The following CLPTM1 variants were observed in gnomAD, a reference collection of about 807,000 sequenced individuals.
CLPTM1 encodes the protein CLPTM1 regulator of GABA type A receptor forward trafficking, also known as putative lipid scramblase CLPTM1.
Under a neutral mutation model 77.3 loss-of-function variants are expected in CLPTM1, and 21 were observed. The ratio of observed to expected loss-of-function variants is 0.27; its 90% CI spans 0.19 to 0.39. The LOEUF is 0.39. Ranked by LOEUF, CLPTM1 falls within the 10% of genes least tolerant of loss-of-function variation. The pLI, the probability that CLPTM1 is intolerant of heterozygous loss-of-function variation, is 1.00. For synonymous variants in CLPTM1, 373 were observed against 381.0 expected, an observed-to-expected ratio of 0.98 and a Z score of 0.24; for missense variants, 642 against 921.2, an observed-to-expected ratio of 0.70 and a Z score of 3.92.
chr19:44,959,036 G>A (rs1970504780), intron 1 of CLPTM1, among the ~76,000 whole-genome samples: 1 of 152,094 alleles, frequency 6.6e-6, no homozygotes, highest in Admixed American at 6.6e-5. Flanking sequence ...TTGGCCTTTG[G>A]GGAAATCCTA....
intron 7 of CLPTM1, 143 bp from the exon 8 acceptor site, chr19:44,987,036 C>T (rs768756918): frequency 2.0e-4 from 221 of 1,117,146 alleles, no homozygotes; most frequent in Non-Finnish European, 2.8e-4. Context: ...CACCCTTTAG[C>T]TCCTCATGGT....
At chr19:44,988,216 G>C (rs372678695) in intron 9 of CLPTM1, 43 bp downstream of exon 9, 7 of 1,433,782 alleles carry the variant, frequency 4.9e-6, no homozygotes, top group East Asian at 2.3e-5. Flanking sequence ...TGTGCAGGGT[G>C]GGGGACAGGA....
At chr19:44,987,028 C>T in intron 7 of CLPTM1, 151 bp from the exon 8 acceptor site, 1 of 1,056,654 alleles carries the variant, frequency 9.5e-7, no homozygotes, top group Non-Finnish European at 1.4e-6. Context: ...GGTCAAGGCA[C>T]CCTTTAGCTC....
chr19:44,972,728 G>A (rs1251704337), intron 2 of CLPTM1, among the ~76,000 whole-genome samples: 1 of 151,710 alleles, frequency 6.6e-6, no homozygotes, highest in Non-Finnish European at 1.5e-5. Context: ...TCCTCTCGGG[G>A]GATCCCAGGG....
At chr19:44,966,419 A>AAAT (rs1568382402) in intron 2 of CLPTM1, among the ~76,000 whole-genome samples, 3 of 151,590 alleles carry the variant, frequency 2.0e-5, no homozygotes, top group African/African-American at 7.3e-5. Context: ...TCAAAAATAA[A>AAAT]AAAGTGTAAT....
At chr19:44,975,786 A>C (rs1970797097) in intron 4 of CLPTM1, among the ~76,000 whole-genome samples, 1 of 151,706 alleles carries the variant, frequency 6.6e-6, no homozygotes, top group Non-Finnish European at 1.5e-5. Flanking sequence ...TTGGCCTTGA[A>C]CTCCTGACCT....
intron 1 of CLPTM1, among the ~76,000 whole-genome samples, chr19:44,961,457 C>T (rs1482900653): frequency 1.3e-5 from 2 of 152,202 alleles, no homozygotes; most frequent in Non-Finnish European, 2.9e-5. Flanking sequence ...CATCCTGGCT[C>T]CAGCCCCAGG....
chr19:44,988,862 A>C (rs968577629), intron 9 of CLPTM1, among the ~76,000 whole-genome samples: 1 of 152,110 alleles, frequency 6.6e-6, no homozygotes, highest in African/African-American at 2.4e-5. Flanking sequence ...CGGCAAGAGG[A>C]ATGAGTAGTA....
intron 2 of CLPTM1, among the ~76,000 whole-genome samples, chr19:44,972,440 AG>A (rs1197321906): frequency 4.0e-5 from 6 of 151,740 alleles, no homozygotes; most frequent in Non-Finnish European, 8.8e-5. Flanking sequence ...TAGTAGAGAC[AG>A]GGTTTCACCA....
At chr19:44,963,235 T>G (rs1970573296) in intron 2 of CLPTM1, among the ~76,000 whole-genome samples, 1 of 125,272 alleles carries the variant, frequency 8.0e-6, no homozygotes, top group African/African-American at 3.1e-5. Context: ...AAAAGCCAGG[T>G]ATGGTGACAC....
rs77302539 is a variant in CLPTM1, at chr19:44,978,900, C to T, written c.586+1440C>T. ...GAATCAGCATGAGTTTTGGCCAGGA[C>T]AAACATTCAAACCATAGCATTGTCC... On this transcript the variant is annotated intron_variant, in intron 5 of 13. Coordinates refer to ENST00000337392, the MANE Select transcript of CLPTM1 (RefSeq NM_001294.4). Among the ~76,000 whole-genome samples the T allele has an allele frequency of 4.5e-3, 679 of 151,450 alleles. 6 individuals carry two copies. Among genetic ancestry groups the T allele is most frequent in the African/African-American group, 0.016 (643 of 41,240 alleles).
intron 4 of CLPTM1, among the ~76,000 whole-genome samples, chr19:44,975,882 A>G (rs1026510267): frequency 6.6e-6 from 1 of 151,786 alleles, no homozygotes; most frequent in African/African-American, 2.4e-5. Context: ...TTTCTTTTTG[A>G]GATGGGGTCT....
chr19:44,989,228 G>A (rs1971030202), intron 9 of CLPTM1, among the ~76,000 whole-genome samples: 1 of 152,190 alleles, frequency 6.6e-6, no homozygotes. Flanking sequence ...GTGTCATACG[G>A]GCACAGGAGC....
intron 6 of CLPTM1, among the ~76,000 whole-genome samples, 200 bp from the exon 7 acceptor site, chr19:44,986,255 T>C (rs1970975734): frequency 7.3e-6 from 1 of 136,226 alleles, no homozygotes; most frequent in African/African-American, 2.8e-5. Context: ...CCCAGCACTT[T>C]GGGAGGCCGA....
intron 2 of CLPTM1, among the ~76,000 whole-genome samples, chr19:44,971,063 T>C (rs1006495768): frequency 6.6e-6 from 1 of 151,558 alleles, no homozygotes; most frequent in Non-Finnish European, 1.5e-5. Context: ...ACTCCTGACC[T>C]CAGGTGATCC....
intron 2 of CLPTM1, among the ~76,000 whole-genome samples, chr19:44,971,514 T>G (rs1970717521): frequency 1.3e-5 from 2 of 152,188 alleles, no homozygotes; most frequent in Admixed American, 1.3e-4. Context: ...TTTCTAAGCT[T>G]CTGTGCCTTC....
At chr19:44,960,619 C>T (rs1339422868) in intron 1 of CLPTM1, among the ~76,000 whole-genome samples, 2 of 152,098 alleles carry the variant, frequency 1.3e-5, no homozygotes, top group Admixed American at 1.3e-4. Context: ...CACATGTAGC[C>T]CCTCTAACCA....
At chr19:44,973,761 G>GTTTTTTTTTTTTTTTTTT (rs71173113) in intron 3 of CLPTM1, among the ~76,000 whole-genome samples, 1 of 62,458 alleles carries the variant, frequency 1.6e-5, no homozygotes, top group African/African-American at 4.4e-5. Context: ...GTCACAGTGG[G>GTTTTTTTTTTTTTTTTTT]TTTTTTTTTT....
Position 44,970,467 on chromosome 19 carries a change from G to A in CLPTM1, c.186-2620G>A, listed in dbSNP as rs1007624286. ...CAGGCTGGAGTGCAGTGGCATGATC[G>A]TGGTTCACTGCAGCCTCGACCTCCT... On this transcript the variant is annotated intron_variant, in intron 2 of 13. Coordinates refer to ENST00000337392, the MANE Select transcript of CLPTM1 (RefSeq NM_001294.4). Among the ~76,000 whole-genome samples, 5 of 32,220 alleles carry A rather than the reference G, an allele frequency of 1.6e-4. 1 individual carries two copies. The highest frequency in any genetic ancestry group is 2.7e-4 in the Admixed American group (1 of 3,708). The allele number at this position is 32,220 out of a possible 152,430, so 21.1% of individuals were successfully genotyped here.
Sources: gnomAD v4.1 joint callset for allele counts (sites outside exome capture counted in the v4.1 genomes callset) on GRCh38, gnomAD v4.1.1 for gene constraint, MANE v1.5 for transcripts, NCBI Gene and HGNC (gene_info 2026-07-23, HGNC 2026-07-21) for gene names.